CNTNAP2: variants seen among roughly 807,000 people sequenced by gnomAD.
CNTNAP2 encodes the protein contactin-associated protein-like 2.
In CNTNAP2, 98 loss-of-function variants were observed where a neutral mutation model predicts 155.2. The ratio of observed to expected loss-of-function variants is 0.63; its 90% CI spans 0.54 to 0.75. The LOEUF is 0.75. Among genes scored for constraint, CNTNAP2 ranks in the 30% least tolerant of loss-of-function variants. The pLI is 0.00. For synonymous variants in CNTNAP2, 651 were observed against 631.2 expected (o/e 1.03, Z -0.47); for missense variants, 1,727 against 1,688.1 (o/e 1.02, Z -0.40).
intron 13 of CNTNAP2, among the ~76,000 whole-genome samples, chr7:147,819,304 T>C (rs868570948): frequency 6.6e-6 from 1 of 152,172 alleles, no homozygotes; most frequent in Admixed American, 6.5e-5. Flanking sequence ...CCTTTAGTTT[T>C]GTCCACCTTC....
At chr7:147,496,217 A>C (rs1798705598) in intron 11 of CNTNAP2, among the ~76,000 whole-genome samples, 1 of 152,180 alleles carries the variant, frequency 6.6e-6, no homozygotes, top group Admixed American at 6.6e-5. Flanking sequence ...TCATCCTGAA[A>C]CCATCCCCTA....
chr7:147,011,372 T>C (rs549999771), intron 3 of CNTNAP2, among the ~76,000 whole-genome samples: 3 of 139,334 alleles, frequency 2.2e-5, no homozygotes, highest in Non-Finnish European at 4.5e-5. Flanking sequence ...TGAGCCAAGA[T>C]TGCACCACTT....
At chr7:147,046,582 T>C (rs939800537) in intron 4 of CNTNAP2, among the ~76,000 whole-genome samples, 16 of 152,156 alleles carry the variant, frequency 1.1e-4, no homozygotes, top group African/African-American at 3.6e-4. Flanking sequence ...CCAATGGGTA[T>C]AGACTTGGGG....
At chr7:146,494,115 A>G (rs1181683192) in intron 1 of CNTNAP2, among the ~76,000 whole-genome samples, 1 of 152,170 alleles carries the variant, frequency 6.6e-6, no homozygotes, top group Non-Finnish European at 1.5e-5. Context: ...CGGGCGGATC[A>G]CAAGGTCAGG....
At chr7:148,202,712 A>G (rs1379204550) in intron 18 of CNTNAP2, among the ~76,000 whole-genome samples, 2 of 152,176 alleles carry the variant, frequency 1.3e-5, no homozygotes, top group Non-Finnish European at 2.9e-5. Context: ...CCACTGAAGT[A>G]GAAGACAAAG....
chr7:146,770,316 A>G (rs1466935728), intron 1 of CNTNAP2, among the ~76,000 whole-genome samples: 1 of 128,630 alleles, frequency 7.8e-6, no homozygotes, highest in South Asian at 2.5e-4. Context: ...ATGTGTGTGT[A>G]TACACACACA....
intron 1 of CNTNAP2, among the ~76,000 whole-genome samples, chr7:146,224,998 C>T (rs776859445): frequency 6.6e-6 from 1 of 151,908 alleles, no homozygotes; most frequent in Non-Finnish European, 1.5e-5. Context: ...AAAAAAAATC[C>T]TATTGGTGTT....
chr7:147,549,996 A>G (rs1329725568), intron 11 of CNTNAP2, among the ~76,000 whole-genome samples: 1 of 152,156 alleles, frequency 6.6e-6, no homozygotes, highest in Non-Finnish European at 1.5e-5. Context: ...ATTTTCTCTG[A>G]GGGGGGAATA....
At position 147,102,316 on chromosome 7, in the gene CNTNAP2, AG is replaced by A. The variant is rs576126697; in HGVS notation, c.551-5830del. Among the ~76,000 whole-genome samples the A allele has an allele frequency of 1.4e-3, 215 of 150,452 alleles. 2 individuals carry two copies. The highest frequency in any genetic ancestry group is 4.9e-3 in the African/African-American group (199 of 41,028). On this transcript the variant is annotated intron_variant, in intron 4 of 23. Transcript: ENST00000361727. ...AAAAAAAGAAGCTCAAGAAAGTTCC[AG>A]ATCTCTGGCTTGAGTGACTGGATAA...
intron 8 of CNTNAP2, among the ~76,000 whole-genome samples, chr7:147,177,856 C>A (rs1174866251): frequency 6.6e-6 from 1 of 152,102 alleles, no homozygotes. Context: ...TAGCACAACC[C>A]TAAATGGGTA....
intron 1 of CNTNAP2, among the ~76,000 whole-genome samples, chr7:146,656,556 G>A (rs1041245441): frequency 6.6e-6 from 1 of 152,106 alleles, no homozygotes; most frequent in African/African-American, 2.4e-5. Flanking sequence ...CCCCAGGCTG[G>A]ATCAGTCTGT....
intron 21 of CNTNAP2, among the ~76,000 whole-genome samples, chr7:148,334,381 T>C (rs1244946261): frequency 6.6e-6 from 1 of 152,166 alleles, no homozygotes; most frequent in African/African-American, 2.4e-5. Context: ...TCGGGTGGCC[T>C]ACCATGTAGT....
intron 1 of CNTNAP2, among the ~76,000 whole-genome samples, chr7:146,630,411 CTT>C (rs759080366): frequency 1.1e-4 from 16 of 150,566 alleles, no homozygotes; most frequent in Non-Finnish European, 2.1e-4. Context: ...GGTTCCAAGT[CTT>C]TGCTATTGCA....
intron 12 of CNTNAP2, among the ~76,000 whole-genome samples, chr7:147,625,574 T>A (rs1794955521): frequency 6.8e-6 from 1 of 147,354 alleles, no homozygotes; most frequent in South Asian, 2.1e-4. Context: ...TATTTTAAAA[T>A]GTCAATTACC....
At chr7:146,879,858 G>A (rs1182681202) in intron 3 of CNTNAP2, among the ~76,000 whole-genome samples, 1 of 152,094 alleles carries the variant, frequency 6.6e-6, no homozygotes, top group East Asian at 1.9e-4. Context: ...AGAAAAAGAA[G>A]TTTAATGGGC....
At chr7:148,298,927 T>TG (rs1797331486) in intron 21 of CNTNAP2, among the ~76,000 whole-genome samples, 1 of 152,140 alleles carries the variant, frequency 6.6e-6, no homozygotes, top group East Asian at 1.9e-4. Flanking sequence ...CTCGAACTCC[T>TG]GGGCTCAAGT....
rs1799976857 is a variant in CNTNAP2 at position 148,415,904 on chromosome 7, T to C, written c.*288T>C. ...TTGAAATTTGTAGGTACTATCTGTCTTATTTTGTGTGTGTTTAGAGGTGTT... is the reference window on the plus strand; with the variant it reads ...TTGAAATTTGTAGGTACTATCTGTCCTATTTTGTGTGTGTTTAGAGGTGTT... On this transcript the variant is annotated 3_prime_UTR_variant, in exon 24 of 24. Transcript: ENST00000361727. The C allele has an allele frequency of 5.8e-6, 3 of 518,178 alleles. No individual in the cohort carries two copies. The East Asian group carries it at 1.0e-4, about 17-fold the overall frequency. The allele number at this position is 518,178 out of a possible 1,614,324, so 32.1% of individuals were successfully genotyped here. A position where few individuals can be genotyped will look rare whatever the true frequency, so the allele number is the denominator to read the frequency against.
intron 1 of CNTNAP2, among the ~76,000 whole-genome samples, chr7:146,126,827 A>G (rs1361783496): frequency 6.6e-6 from 1 of 152,182 alleles, no homozygotes; most frequent in African/African-American, 2.4e-5. Flanking sequence ...AATATTTGCC[A>G]GTCCTAATGC....
intron 1 of CNTNAP2, among the ~76,000 whole-genome samples, chr7:146,514,766 T>A (rs1311915909): frequency 3.9e-5 from 6 of 152,112 alleles, no homozygotes; most frequent in Non-Finnish European, 7.4e-5. Flanking sequence ...TTGTTTCTTA[T>A]ATATGTACAT....
Sources: gnomAD v4.1 joint callset for allele counts (sites outside exome capture counted in the v4.1 genomes callset) on GRCh38, gnomAD v4.1.1 for gene constraint, MANE v1.5 for transcripts, NCBI Gene and HGNC (gene_info 2026-07-23, HGNC 2026-07-21) for gene names.